Variants in DOCK8 observed in about 807,000 individuals in gnomAD.
The protein encoded by DOCK8 is dedicator of cytokinesis protein 8.
In DOCK8, 141 loss-of-function variants were observed where a neutral mutation model predicts 245.6. That is an observed-to-expected ratio of 0.57 (90% confidence interval 0.50 to 0.66). The LOEUF is 0.66. Ranked by LOEUF, DOCK8 falls within the 30% of genes least tolerant of loss-of-function variation. DOCK8 has a pLI of 0.00. For missense variants in DOCK8, 2,965 were observed against 2,603.4 expected (o/e 1.14, Z -3.02); for synonymous variants, 1,168 against 970.2 (o/e 1.20, Z -3.79).
intron 2 of DOCK8, among the ~76,000 whole-genome samples, chr9:274,554 C>A (rs149929386): frequency 1.4e-5 from 2 of 145,280 alleles, no homozygotes; most frequent in Non-Finnish European, 3.0e-5. Context: ...TACCTGGTAT[C>A]GTGTTGTAAT....
intron 40 of DOCK8, among the ~76,000 whole-genome samples, chr9:440,370 G>C (rs2057056468): frequency 6.6e-6 from 1 of 152,114 alleles, no homozygotes; most frequent in Non-Finnish European, 1.5e-5. Context: ...AGCCAAGAAA[G>C]TATTCAGTAC....
chr9:297,780 G>A (rs1049631705), intron 4 of DOCK8, among the ~76,000 whole-genome samples: 2 of 152,178 alleles, frequency 1.3e-5, no homozygotes, highest in Non-Finnish European at 2.9e-5. Flanking sequence ...GACTTTCTGA[G>A]ATTTTTAAAT....
chr9:345,689 C>T (rs559063521), intron 14 of DOCK8, among the ~76,000 whole-genome samples: 32 of 152,302 alleles, frequency 2.1e-4, no homozygotes, highest in African/African-American at 7.5e-4. Context: ...ACCTTCCTCC[C>T]ACCTCTTCAC....
intron 1 of DOCK8, among the ~76,000 whole-genome samples, chr9:252,343 C>G (rs1218320907): frequency 2.0e-5 from 3 of 152,008 alleles, no homozygotes; most frequent in African/African-American, 7.3e-5. Flanking sequence ...CTCTGTCACT[C>G]CACCATATGT....
At chr9:344,536 GCTGA>G (rs150389459) in intron 14 of DOCK8, among the ~76,000 whole-genome samples, 10,256 of 150,466 alleles carry the variant, frequency 0.068, 365 homozygotes, top group South Asian at 0.11. Flanking sequence ...AAATTGGCAA[GCTGA>G]CTAAGTTCGC....
At chr9:413,423 T>G (rs949696068) in intron 28 of DOCK8, among the ~76,000 whole-genome samples, 1 of 132,172 alleles carries the variant, frequency 7.6e-6, no homozygotes, top group Non-Finnish European at 1.7e-5. Context: ...TCAGTAAAAT[T>G]AAAACTTTTG....
chr9:458,043 C>T (rs889473698), intron 46 of DOCK8: 1 of 152,154 alleles, frequency 6.6e-6, no homozygotes, highest in Non-Finnish European at 1.5e-5. Context: ...TGAGCTGTTC[C>T]CTCTAGTGAC....
intron 26 of DOCK8, among the ~76,000 whole-genome samples, chr9:400,301 T>C (rs1456338359): frequency 0.084 from 636 of 7,546 alleles, 79 homozygotes; most frequent in Non-Finnish European, 0.088. Flanking sequence ...ACCACCACCA[T>C]CTTCACCGTC....
chr9:216,269 C>T (rs1355570093), intron 1 of DOCK8, among the ~76,000 whole-genome samples: 4 of 152,080 alleles, frequency 2.6e-5, no homozygotes, highest in Non-Finnish European at 4.4e-5. Context: ...ATGGCTCACA[C>T]CTCTAATCCC....
rs764698636 is a variant in DOCK8, at chr9:405,057, C to T, written c.3374C>T (p.Pro1125Leu). ...NADTAPTSPC[P>L]SISSQNSSSC... ...GATACTGCTCCAACATCTCCTTGTC[C>T]TTCCATATCTTCCCAGGTAATAAAA... The change falls in exon 27 of 48, where the codon CCT becomes CTT. Residue 1125 changes from proline to leucine, a missense_variant. Pro to Leu is a moderately conservative substitution (Grantham distance 98). Transcript: ENST00000432829. 3 of 1,613,344 alleles carry T rather than the reference C, an allele frequency of 1.9e-6. No homozygotes were observed. The highest frequency in any genetic ancestry group is 1.3e-5 in the African/African-American group (1 of 74,884).
intron 8 of DOCK8, among the ~76,000 whole-genome samples, chr9:327,736 GTCC>G: frequency 6.6e-6 from 1 of 152,248 alleles, no homozygotes; most frequent in South Asian, 2.1e-4. Context: ...GAGAGCAGAG[GTCC>G]TCCTCTTCTG....
intron 29 of DOCK8, among the ~76,000 whole-genome samples, chr9:417,532 A>T (rs1487348638): frequency 6.6e-6 from 1 of 152,200 alleles, no homozygotes; most frequent in Non-Finnish European, 1.5e-5. Context: ...TAGCATTCTT[A>T]AAAACCAGAC....
chr9:260,224 G>A (rs1348693065), intron 1 of DOCK8, among the ~76,000 whole-genome samples: 3 of 152,120 alleles, frequency 2.0e-5, no homozygotes, highest in Non-Finnish European at 4.4e-5. Flanking sequence ...CTCAAACTTA[G>A]TATGCCCAAA....
chr9:229,589 A>C (rs997351017), intron 1 of DOCK8, among the ~76,000 whole-genome samples: 6 of 152,162 alleles, frequency 3.9e-5, no homozygotes, highest in Non-Finnish European at 8.8e-5. Flanking sequence ...TTTGAGGCTA[A>C]ATTAAATGAT....
chr9:420,732 A>G (rs1048272832), intron 31 of DOCK8, 149 bp downstream of exon 31: 1 of 1,245,208 alleles, frequency 8.0e-7, no homozygotes, highest in East Asian at 2.4e-5. Context: ...GTAGGTATAG[A>G]TATGATCATT....
At chr9:374,030 T>C (rs1453839017) in intron 18 of DOCK8, among the ~76,000 whole-genome samples, 1 of 152,220 alleles carries the variant, frequency 6.6e-6, no homozygotes, top group Non-Finnish European at 1.5e-5. Context: ...GTGAGTTGCT[T>C]ACCCTCTCTG....
chr9:240,364 G>A (rs1289054632), intron 1 of DOCK8, among the ~76,000 whole-genome samples: 1 of 149,528 alleles, frequency 6.7e-6, no homozygotes, highest in Non-Finnish European at 1.5e-5. Flanking sequence ...AATTCCTTAA[G>A]TTCCCTGTGG....
intron 35 of DOCK8, 120 bp from the exon 36 acceptor site, chr9:429,582 A>C: frequency 5.3e-6 from 6 of 1,134,462 alleles, no homozygotes; most frequent in Non-Finnish European, 5.3e-6. Context: ...TCTTTATGGA[A>C]TAATGCATTA....
At chr9:463,466 C>G (rs1322787862) in intron 46 of DOCK8, 51 bp from the exon 47 acceptor site, 4 of 1,602,394 alleles carry the variant, frequency 2.5e-6, no homozygotes, top group Non-Finnish European at 3.4e-6. Flanking sequence ...TCTCAGATTT[C>G]TAAGCACTTC....
Sources: allele counts gnomAD v4.1 joint callset (sites outside exome capture counted in the v4.1 genomes callset), GRCh38; gene constraint gnomAD v4.1.1; transcripts MANE v1.5; gene names NCBI Gene and HGNC (gene_info 2026-07-23, HGNC 2026-07-21).